TUBGCP4: variants seen among roughly 807,000 people sequenced by gnomAD.
TUBGCP4 encodes the protein gamma-tubulin complex component 4.
Under a neutral mutation model 91.6 loss-of-function variants are expected in TUBGCP4, and 54 were observed. That is an observed-to-expected ratio of 0.59 (90% CI 0.47 to 0.74). The LOEUF (loss-of-function observed/expected upper bound fraction) is 0.74. TUBGCP4 is among the 30% of genes least tolerant of loss of function. TUBGCP4 has a pLI of 0.00. For synonymous variants in TUBGCP4, 297 were observed against 302.8 expected (o/e 0.98, Z 0.20); for missense variants, 593 against 800.9 (o/e 0.74, Z 3.13).
rs149743986 is a variant in TUBGCP4, at chr15:43,385,898, A to G, written c.831A>G (p.Leu277=). Residue 277 remains leucine (L), a synonymous_variant, in exon 8 of 18, where the codon CTA becomes CTG. Transcript: ENST00000564079. ...CAGTGAGGGTTGCTGAAAAAATCCT[A>G]TTTGTTGGAGAATCTGTCCAGATGT... ...YIPVRVAEKI[L]FVGESVQMFE... 1.6e-3 allele frequency: 2,543 copies of G among 1,614,002 alleles called. 65 individuals carry two copies. In the Admixed American group the frequency reaches 0.038, roughly 24 times the overall value.
At position 43,406,815 on chromosome 15, in the gene TUBGCP4, T is replaced by C. The variant is rs1277951507; in HGVS notation, c.*1601T>C. ...GTCATTCCATCAAGCTTATGGTCAC[T>C]GTCCCTTCATGGCAGTTGGTCCTTT... On this transcript the variant is annotated 3_prime_UTR_variant, in exon 18 of 18. Transcript: ENST00000564079. The C allele has an allele frequency of 2.9e-6, 1 of 343,138 alleles. No individual in the cohort carries two copies. 21.3% of individuals were successfully genotyped at this position (343,138 alleles called of 1,614,324 possible).
At chr15:43,391,684 C>T (rs1402996081) in intron 9 of TUBGCP4, 2 of 152,272 alleles carry the variant, frequency 1.3e-5, no homozygotes, top group African/African-American at 4.8e-5. Context: ...CCCAGCCTCC[C>T]AAGTAACTGG....
chr15:43,397,899 A>T (rs1409357120), intron 12 of TUBGCP4, 142 bp from the exon 13 acceptor site: 1 of 757,838 alleles, frequency 1.3e-6, no homozygotes, highest in African/African-American at 1.8e-5. Context: ...TTTAGTAGAG[A>T]TGGGGTTTCA....
chr15:43,378,212 T>C (rs2044236902), intron 5 of TUBGCP4, among the ~76,000 whole-genome samples: 1 of 152,202 alleles, frequency 6.6e-6, no homozygotes, highest in African/African-American at 2.4e-5. Context: ...GTTTTAGAAC[T>C]GTTGGGTGTG....
At chr15:43,382,383 A>C (rs1349284529) in intron 6 of TUBGCP4, among the ~76,000 whole-genome samples, 3 of 152,026 alleles carry the variant, frequency 2.0e-5, no homozygotes, top group African/African-American at 7.2e-5. Flanking sequence ...TTTGCAATCC[A>C]GGATCCGATC....
intron 7 of TUBGCP4, among the ~76,000 whole-genome samples, chr15:43,384,146 A>G (rs1423447622): frequency 6.6e-6 from 1 of 152,136 alleles, no homozygotes; most frequent in Non-Finnish European, 1.5e-5. Flanking sequence ...TCAAAGTTCT[A>G]CATTGTCCAT....
rs1403517680 is a variant in TUBGCP4, at chr15:43,408,824, A to G, written c.*3610A>G. The stretch of plus-strand genomic sequence containing the variant: ...AATTTCTAGAAAGCTTTACTCTCTC[A>G]CCTAGATTCTCTTCCCTCCAAAGCT... On this transcript the variant is annotated 3_prime_UTR_variant, in exon 18 of 18. Coordinates refer to ENST00000564079, the MANE Select transcript of TUBGCP4 (RefSeq NM_014444.5). 12 of 1,464,904 alleles carry G rather than the reference A, an allele frequency of 8.2e-6. No homozygotes were observed. The highest frequency in any genetic ancestry group is 1.1e-5 in the Non-Finnish European group (12 of 1,049,338). 90.7% of individuals were successfully genotyped at this position (1,464,904 alleles called of 1,614,324 possible). A position where few individuals can be genotyped will look rare whatever the true frequency, so the allele number is the denominator to read the frequency against.
chr15:43,395,157 G>C lies in TUBGCP4; in HGVS notation c.1065G>C (p.Lys355Asn), dbSNP rs765611079. ...VEESDLLGQLKIIKDFYLLGR... is the reference protein window; with the variant it reads ...VEESDLLGQLNIIKDFYLLGR... ...AATCCGATTTACTGGGTCAGCTGAA[G>C]GTAATGGCTTAGCTGTTGTAATTCT... Residue 355 changes from lysine to asparagine, a missense_variant and splice_region_variant, in exon 10 of 18, where the codon AAG becomes AAC. Physicochemically the swap from Lys to Asn is moderately conservative, Grantham distance 94. Transcript: ENST00000564079. 1.9e-6 allele frequency: 3 copies of C among 1,614,130 alleles called. No homozygotes were observed. Among genetic ancestry groups the C allele is most frequent in the Admixed American group, 1.7e-5 (1 of 60,020 alleles).
In TUBGCP4 at chr15:43,407,816, C is replaced by T. The variant is rs1261228832; in HGVS notation, c.*2602C>T. 9.7e-7 allele frequency: 1 copy of T among 1,034,458 alleles called. No individual in the cohort carries two copies. The highest frequency in any genetic ancestry group is 1.4e-6 in the Non-Finnish European group (1 of 711,300). The allele number at this position is 1,034,458 out of a possible 1,614,324, so 64.1% of individuals were successfully genotyped here. A position where few individuals can be genotyped will look rare whatever the true frequency, so the allele number is the denominator to read the frequency against. ...GTTGACTCACCTCTTGAAGGTGGTA[C>T]TTTTCTTCTCTAAGAAACATGGATA... is the stretch of plus-strand genomic sequence containing the variant. On this transcript the variant is annotated 3_prime_UTR_variant, in exon 18 of 18. Transcript: ENST00000564079.
chr15:43,392,075 TACACACACACACACACACACACACACAC>T (rs3986231), intron 9 of TUBGCP4, among the ~76,000 whole-genome samples: 19 of 133,108 alleles, frequency 1.4e-4, no homozygotes, highest in Non-Finnish European at 1.9e-4. Context: ...AAAATAGAGA[TACACACACACACACACACACACACACAC>T]ACACACACAC....
chr15:43,408,583 G>A lies in TUBGCP4; in HGVS notation c.*3369G>A, dbSNP rs1255691234. On this transcript the variant is annotated 3_prime_UTR_variant, in exon 18 of 18. Transcript: ENST00000564079. Reference sequence around the variant, plus strand: ...CTTTCTAATTTCCATGTTTGTTCTGGGGCTGAGAATAATCCAAATCATGCT... The same window carrying A: ...CTTTCTAATTTCCATGTTTGTTCTGAGGCTGAGAATAATCCAAATCATGCT... 2 of 335,338 alleles carry A rather than the reference G, an allele frequency of 6.0e-6. No individual in the cohort carries two copies. Among genetic ancestry groups the A allele is most frequent in the East Asian group, 6.1e-5 (1 of 16,408 alleles). 20.8% of individuals were successfully genotyped at this position (335,338 alleles called of 1,614,324 possible).
chr15:43,405,144 T>G, intron 17 of TUBGCP4, 58 bp from the exon 18 acceptor site: 1 of 1,595,606 alleles, frequency 6.3e-7, no homozygotes, highest in Non-Finnish European at 8.6e-7. Context: ...TTCATATTTC[T>G]TTGAAGGTAG....
chr15:43,405,355 A>G lies in TUBGCP4; in HGVS notation c.*141A>G, dbSNP rs1187410672. On this transcript the variant is annotated 3_prime_UTR_variant, in exon 18 of 18. Coordinates refer to ENST00000564079, the MANE Select transcript of TUBGCP4 (RefSeq NM_014444.5). ...TCTACCTTTTCTCCTAGAAGCAGTT[A>G]CTGAACATCCAGGAGTACAACTCCT... 5 of 927,028 alleles carry G rather than the reference A, an allele frequency of 5.4e-6. No homozygotes were observed. Among genetic ancestry groups the G allele is most frequent in the Non-Finnish European group, 8.4e-6 (5 of 593,194 alleles). 57.4% of individuals were successfully genotyped at this position (927,028 alleles called of 1,614,324 possible). A position where few individuals can be genotyped will look rare whatever the true frequency, so the allele number is the denominator to read the frequency against.
Position 43,408,932 on chromosome 15 carries a change from A to G in TUBGCP4, c.*3718A>G. ...TTCTTTGCTCCTCAAGGCTGTACCC[A>G]GCTGGCAACAGATAATTACGGTAGT... On this transcript the variant is annotated 3_prime_UTR_variant, in exon 18 of 18. Coordinates refer to ENST00000564079, the MANE Select transcript of TUBGCP4 (RefSeq NM_014444.5). 6.2e-7 allele frequency: 1 copy of G among 1,614,198 alleles called. No individual in the cohort carries two copies. The highest frequency in any genetic ancestry group is 1.7e-5 in the Admixed American group (1 of 60,020).
chr15:43,389,626 G>A (rs2044434783), intron 9 of TUBGCP4, among the ~76,000 whole-genome samples: 1 of 152,104 alleles, frequency 6.6e-6, no homozygotes, highest in Non-Finnish European at 1.5e-5. Flanking sequence ...TAGATTTTGA[G>A]ATACTGATTC....
chr15:43,384,781 A>G (rs974163183), intron 7 of TUBGCP4, among the ~76,000 whole-genome samples: 10 of 152,226 alleles, frequency 6.6e-5, no homozygotes, highest in African/African-American at 2.2e-4. Flanking sequence ...AGACTTCATG[A>G]TAAATCACTC....
chr15:43,407,769 AT>A lies in TUBGCP4; in HGVS notation c.*2556del. ...GACCTTGTAGAAATATTTAACAAATATACGTCCAGTGCTTCACTTATGTTGA... is the reference window on the plus strand; with the variant it reads ...GACCTTGTAGAAATATTTAACAAATAACGTCCAGTGCTTCACTTATGTTGA... On this transcript the variant is annotated 3_prime_UTR_variant, in exon 18 of 18. Coordinates refer to ENST00000564079, the MANE Select transcript of TUBGCP4 (RefSeq NM_014444.5). 1.3e-6 allele frequency: 1 copy of A among 786,072 alleles called. No individual in the cohort carries two copies. Among genetic ancestry groups the A allele is most frequent in the Non-Finnish European group, 2.0e-6 (1 of 499,360 alleles). 48.7% of individuals were successfully genotyped at this position (786,072 alleles called of 1,614,324 possible).
At chr15:43,395,210 G>A (rs2044561329) in intron 10 of TUBGCP4, 53 bp downstream of exon 10, 1 of 1,594,952 alleles carries the variant, frequency 6.3e-7, no homozygotes, top group Admixed American at 1.7e-5. Context: ...GCAGTGACTT[G>A]CATTCTCTGA....
intron 6 of TUBGCP4, among the ~76,000 whole-genome samples, chr15:43,380,813 A>C (rs1193659422): frequency 6.6e-6 from 1 of 150,962 alleles, no homozygotes; most frequent in Non-Finnish European, 1.5e-5. Flanking sequence ...TTGTGATTAC[A>C]ACAATATGAA....
Sources: allele counts gnomAD v4.1 joint callset (sites outside exome capture counted in the v4.1 genomes callset), GRCh38; gene constraint gnomAD v4.1.1; transcripts MANE v1.5; gene names NCBI Gene and HGNC (gene_info 2026-07-23, HGNC 2026-07-21).